The following TERF1 variants were observed in gnomAD, a reference collection of about 807,000 sequenced individuals.
TERF1 encodes the protein telomeric repeat-binding factor 1.
A neutral mutation model predicts 55.1 loss-of-function variants in TERF1; 20 were observed. The observed-to-expected ratio is 0.36, with a 90% CI of 0.26 to 0.53. TERF1 has a LOEUF of 0.53. Among genes scored for constraint, TERF1 ranks in the 20% least tolerant of loss-of-function variants. The pLI is 0.91. For synonymous variants in TERF1, 168 were observed against 181.2 expected (o/e 0.93, Z 0.59); for missense variants, 439 against 535.7 (o/e 0.82, Z 1.78).
chr8:73,019,678 C>T (rs115309613), intron 2 of TERF1, among the ~76,000 whole-genome samples: 132 of 152,292 alleles, frequency 8.7e-4, no homozygotes, highest in Middle Eastern at 3.4e-3. Context: ...TACAGGCACA[C>T]GCCCCCACCT....
chr8:73,019,389 C>T (rs1333742862), intron 2 of TERF1, among the ~76,000 whole-genome samples: 1 of 152,180 alleles, frequency 6.6e-6, no homozygotes, highest in African/African-American at 2.4e-5. Context: ...ATTATTAAAA[C>T]CCAAGAGTCC....
At chr8:73,029,470 A>G (rs1809182454) in intron 6 of TERF1, among the ~76,000 whole-genome samples, 1 of 151,904 alleles carries the variant, frequency 6.6e-6, no homozygotes, top group African/African-American at 2.4e-5. Context: ...ACAAAAATTA[A>G]CCAGTCTTGG....
rs1808800509 is a variant in TERF1 at position 73,022,345 on chromosome 8, T to C, written c.624+43T>C. Reference sequence around the variant, plus strand: ...AACCATAGAATTTTAGAAGTGTTTATGTAGAGTGAGGAAAACTGAAAGAAA... The same window carrying C: ...AACCATAGAATTTTAGAAGTGTTTACGTAGAGTGAGGAAAACTGAAAGAAA... On this transcript the variant is annotated intron_variant, in intron 4 of 9. Coordinates refer to ENST00000276603, the MANE Select transcript of TERF1 (RefSeq NM_017489.3). 4 of 1,275,926 alleles carry C rather than the reference T, an allele frequency of 3.1e-6. No individual in the cohort carries two copies. The Admixed American group carries it at 7.1e-5, about 22-fold the overall frequency. The allele number at this position is 1,275,926 out of a possible 1,614,324, so 79.0% of individuals were successfully genotyped here.
intron 4 of TERF1, among the ~76,000 whole-genome samples, chr8:73,024,189 A>G (rs1808883547): frequency 6.6e-6 from 1 of 152,216 alleles, no homozygotes; most frequent in Admixed American, 6.5e-5. Context: ...AGTAGCCTAA[A>G]TCCCTCAATA....
chr8:73,044,793 A>G (rs1465656696), intron 9 of TERF1, among the ~76,000 whole-genome samples: 4 of 151,732 alleles, frequency 2.6e-5, no homozygotes, highest in Non-Finnish European at 5.9e-5. Context: ...GAAGTAGCAT[A>G]GTATTTTTCT....
Position 73,025,443 on chromosome 8 carries a change from CTACAAAAAAA to C in TERF1, c.774+484_774+493del, listed in dbSNP as rs1808940659. ...TGGGCGACATGGTGAAACCCCTTAT[CTACAAAAAAA>C]TACAAAAAAATTAGCTGGGCCGGGC... On this transcript the variant is annotated intron_variant, in intron 5 of 9. Coordinates refer to ENST00000276603, the MANE Select transcript of TERF1 (RefSeq NM_017489.3). Among the ~76,000 whole-genome samples the C allele has an allele frequency of 3.3e-5, 5 of 150,062 alleles. No individual in the cohort carries two copies. The South Asian group carries it at 1.1e-3, about 32-fold the overall frequency.
intron 8 of TERF1, among the ~76,000 whole-genome samples, chr8:73,038,270 G>A (rs139305989): frequency 6.6e-6 from 1 of 151,852 alleles, no homozygotes; most frequent in Non-Finnish European, 1.5e-5. Context: ...GTGCAATATA[G>A]TGAAACCATG....
intron 2 of TERF1, 104 bp from the exon 3 acceptor site, chr8:73,020,580 C>G: frequency 1.1e-6 from 1 of 881,600 alleles, no homozygotes; most frequent in Non-Finnish European, 1.6e-6. Flanking sequence ...GAGTACCTAG[C>G]ACATAGTATA....
intron 6 of TERF1, 82 bp downstream of exon 6, chr8:73,027,134 AAAT>A (rs1353215837): frequency 3.2e-5 from 31 of 978,378 alleles, no homozygotes; most frequent in Non-Finnish European, 4.4e-5. Context: ...TTTTTATTAA[AAAT>A]AATTATTGAG....
chr8:73,021,664 G>A (rs1216404178), intron 3 of TERF1, among the ~76,000 whole-genome samples: 1 of 152,014 alleles, frequency 6.6e-6, no homozygotes, highest in Non-Finnish European at 1.5e-5. Context: ...ACACCAAGAG[G>A]TTAAGTAGCT....
rs368369633 is a variant in TERF1, at chr8:73,025,247, G to A, written c.774+276G>A. Among the ~76,000 whole-genome samples, 30 of 152,230 alleles carry A rather than the reference G, an allele frequency of 2.0e-4. No homozygotes were observed. In the South Asian group the frequency reaches 5.6e-3, roughly 28 times the overall value. ...AATTAAAAATAAGAAATAGGCAAAA[G>A]CAAATATTTTAATTTAAGTAAATTT... is the stretch of plus-strand genomic sequence containing the variant. On this transcript the variant is annotated intron_variant, in intron 5 of 9. Coordinates refer to ENST00000276603, the MANE Select transcript of TERF1 (RefSeq NM_017489.3).
chr8:73,023,840 G>A (rs980695185), intron 4 of TERF1, among the ~76,000 whole-genome samples: 7 of 152,184 alleles, frequency 4.6e-5, no homozygotes, highest in African/African-American at 1.7e-4. Flanking sequence ...TGTACTGCCT[G>A]CCATAACTTC....
At chr8:73,030,282 C>A in intron 6 of TERF1, 54 bp from the exon 7 acceptor site, 1 of 1,183,770 alleles carries the variant, frequency 8.4e-7, no homozygotes, top group Non-Finnish European at 1.2e-6. Flanking sequence ...AAGTACTATC[C>A]TTATGAAAAG....
rs1563471808 is a variant in TERF1, at chr8:73,037,700, A to AATAATAT, written c.1040-1413_1040-1412insATATATA. Among the ~76,000 whole-genome samples, 73 of 79,470 alleles carry AATAATAT rather than the reference A, an allele frequency of 9.2e-4. 1 individual carries two copies. Among genetic ancestry groups the AATAATAT allele is most frequent in the African/African-American group, 2.9e-3 (47 of 16,382 alleles). 52.1% of individuals were successfully genotyped at this position (79,470 alleles called of 152,430 possible). A position where few individuals can be genotyped will look rare whatever the true frequency, so the allele number is the denominator to read the frequency against. ...ATATATAATATATATTATATAGTAT[A>AATAATAT]ATATTATATTATATATAATATATAT... On this transcript the variant is annotated intron_variant, in intron 8 of 9. Transcript: ENST00000276603.
intron 8 of TERF1, among the ~76,000 whole-genome samples, chr8:73,034,008 T>C (rs1809407554): frequency 6.6e-6 from 1 of 152,182 alleles, no homozygotes; most frequent in Non-Finnish European, 1.5e-5. Flanking sequence ...TGCAGTGCAG[T>C]GGTGAGATCT....
rs1808163095 is a variant in TERF1, at chr8:73,009,160, G to A, written c.274G>A (p.Asp92Asn). Residue 92 changes from aspartate to asparagine, a missense_variant, in exon 1 of 10, where the codon GAC becomes AAC. Transcript: ENST00000276603. ...LCLSLCRAFR[D>N]GRSEDFRRTR... ...CCTCTCTCTTTGCCGAGCTTTCCGC[G>A]ACGGCCGCTCCGAGGACTTCCGCAG... 1 of 1,611,150 alleles carries A rather than the reference G, an allele frequency of 6.2e-7. No individual in the cohort carries two copies. Among genetic ancestry groups the A allele is most frequent in the Non-Finnish European group, 8.5e-7 (1 of 1,179,854 alleles).
intron 4 of TERF1, 145 bp downstream of exon 4, chr8:73,022,447 A>C: frequency 2.2e-6 from 1 of 464,366 alleles, no homozygotes; most frequent in Middle Eastern, 3.5e-4. Context: ...TACGCAAGTC[A>C]CATATGTGAT....
intron 8 of TERF1, among the ~76,000 whole-genome samples, chr8:73,037,998 T>G (rs1809674461): frequency 6.9e-6 from 1 of 144,798 alleles, no homozygotes; most frequent in African/African-American, 2.6e-5. Context: ...GTTGGTTGAA[T>G]CCACAGATGT....
intron 4 of TERF1, among the ~76,000 whole-genome samples, chr8:73,022,638 A>G (rs1808813871): frequency 6.6e-6 from 1 of 152,094 alleles, no homozygotes; most frequent in Non-Finnish European, 1.5e-5. Flanking sequence ...ACAATTTTCC[A>G]GTAGTCATAT....
Sources: gnomAD v4.1 joint callset for allele counts (sites outside exome capture counted in the v4.1 genomes callset) on GRCh38, gnomAD v4.1.1 for gene constraint, MANE v1.5 for transcripts, NCBI Gene and HGNC (gene_info 2026-07-23, HGNC 2026-07-21) for gene names.